DVL3: variants seen among roughly 807,000 people sequenced by gnomAD.
DVL3 encodes segment polarity protein dishevelled homolog DVL-3.
DVL3 carries 27 observed loss-of-function variants against 67.4 expected under a neutral mutation model. The ratio of observed to expected loss-of-function variants is 0.40; its 90% CI spans 0.30 to 0.55. DVL3 has a LOEUF of 0.55. Among genes scored for constraint, DVL3 ranks in the 20% least tolerant of loss-of-function variants. DVL3 has a pLI of 0.46. For synonymous variants in DVL3, 369 were observed against 396.8 expected, an observed-to-expected ratio of 0.93 and a Z score of 0.83; for missense variants, 819 against 1,021.5, an observed-to-expected ratio of 0.80 and a Z score of 2.70.
Position 184,168,007 on chromosome 3 carries a change from C to G in DVL3, c.1440C>G (p.Thr480=), listed in dbSNP as rs758311089. Residue 480 remains threonine (T), a synonymous_variant, in exon 13 of 15, where the codon ACC becomes ACG. Coordinates refer to ENST00000313143, the MANE Select transcript of DVL3 (RefSeq NM_004423.4). ...TGAAAGCTGGCTTCATCCGCCATAC[C>G]GTCAACAAGATCACCTTCTCCGAGC... The part of the protein sequence containing the change: ...NLLKAGFIRH[T]VNKITFSEQC... 6.2e-7 allele frequency: 1 copy of G among 1,614,252 alleles called. No homozygotes were observed. Among genetic ancestry groups the G allele is most frequent in the Non-Finnish European group, 8.5e-7 (1 of 1,180,048 alleles).
rs1714457522 is a variant in DVL3, at chr3:184,163,537, CA to C, written c.162-119del. ...TCCCCAACCTCTGCTTTCATTTGAA[CA>C]GTCTTGTGCTGGTGGTTTGATTCCC... On this transcript the variant is annotated intron_variant, in intron 1 of 14. Coordinates refer to ENST00000313143, the MANE Select transcript of DVL3 (RefSeq NM_004423.4). This position sits in a 1 kb window ranked among gnomAD's most constrained non-coding sequence, Gnocchi z 4.5. 5 of 906,764 alleles carry C rather than the reference CA, an allele frequency of 5.5e-6. No homozygotes were observed. Among genetic ancestry groups the C allele is most frequent in the Non-Finnish European group, 5.6e-6 (3 of 537,368 alleles). 56.2% of individuals were successfully genotyped at this position (906,764 alleles called of 1,614,324 possible).
In DVL3 at chr3:184,165,295, TC is replaced by T; in HGVS notation, c.693+94del. On this transcript the variant is annotated intron_variant, in intron 6 of 14. Coordinates refer to ENST00000313143, the MANE Select transcript of DVL3 (RefSeq NM_004423.4). This position sits in a 1 kb window ranked among gnomAD's most constrained non-coding sequence, Gnocchi z 4.1. Reference sequence around the variant, plus strand: ...AAGGCTTGTTCTTCCTTAGATCCCATCCCCCTAGTGCAGTGTTGAGAACCTT... The same window carrying T: ...AAGGCTTGTTCTTCCTTAGATCCCATCCCCTAGTGCAGTGTTGAGAACCTT... 1.3e-6 allele frequency: 2 copies of T among 1,527,070 alleles called. No homozygotes were observed. The highest frequency in any genetic ancestry group is 1.8e-6 in the Non-Finnish European group (2 of 1,120,224). 94.6% of individuals were successfully genotyped at this position (1,527,070 alleles called of 1,614,324 possible).
In DVL3 at chr3:184,167,599, G is replaced by C; in HGVS notation, c.1218G>C (p.Leu406Phe). ...CCCCAGGCCTAGACGACTTCCACTT[G>C]TCCATCCACAGTGACATGGCTGCCA... Reference protein sequence around the residue: ...PDTERLDDFHLSIHSDMAAIV... With the variant: ...PDTERLDDFHFSIHSDMAAIV... The change falls in exon 12 of 15, where the codon TTG (leucine) becomes TTC (phenylalanine). Residue 406 changes from leucine to phenylalanine, a missense_variant. Coordinates refer to ENST00000313143, the MANE Select transcript of DVL3 (RefSeq NM_004423.4). The surrounding 1 kb of genome is among the most constrained non-coding windows in gnomAD (Gnocchi z 4.6). The C allele has an allele frequency of 6.2e-7, 1 of 1,613,894 alleles. No individual in the cohort carries two copies. Among genetic ancestry groups the C allele is most frequent in the Non-Finnish European group, 8.5e-7 (1 of 1,180,026 alleles).
chr3:184,160,161 C>G (rs960619266), intron 1 of DVL3, among the ~76,000 whole-genome samples: 1 of 150,010 alleles, frequency 6.7e-6, no homozygotes, highest in African/African-American at 2.5e-5. Context: ...ACCGTATTAG[C>G]CAGGATGGTC....
intron 1 of DVL3, among the ~76,000 whole-genome samples, chr3:184,161,923 T>C (rs996257969): frequency 1.3e-5 from 2 of 152,148 alleles, no homozygotes; most frequent in African/African-American, 4.8e-5. Flanking sequence ...GTCTGCCCAC[T>C]GAGGCTGATG....
At position 184,164,963 on chromosome 3, in the gene DVL3, C is replaced by T. The variant is rs369586306; in HGVS notation, c.599+32C>T. 75 of 1,613,644 alleles carry T rather than the reference C, an allele frequency of 4.6e-5. No homozygotes were observed. Among genetic ancestry groups the T allele is most frequent in the Non-Finnish European group, 5.9e-5 (70 of 1,179,780 alleles). On this transcript the variant is annotated intron_variant, in intron 5 of 14. Transcript: ENST00000313143. The surrounding 1 kb of genome is among the most constrained non-coding windows in gnomAD (Gnocchi z 5.3). ...CTTGAGTTTCATGGGTATTGTGGGG[C>T]AGGTGACCCTGGAGGAGCCCTAAAC...
In DVL3 at chr3:184,172,889, A is replaced by T. The variant is rs1180474573; in HGVS notation, c.*2134A>T. On this transcript the variant is annotated 3_prime_UTR_variant, in exon 15 of 15. Transcript: ENST00000313143. Reference sequence around the variant, plus strand: ...CCACCACTACAGGGCTGTTTCATGTACTTCTCTCTCTGACTCTGTCTTGTC... The same window carrying T: ...CCACCACTACAGGGCTGTTTCATGTTCTTCTCTCTCTGACTCTGTCTTGTC... 1 of 152,116 alleles carries T rather than the reference A, an allele frequency of 6.6e-6. No homozygotes were observed. The highest frequency in any genetic ancestry group is 6.5e-5 in the Admixed American group (1 of 15,274). 9.4% of individuals were successfully genotyped at this position (152,116 alleles called of 1,614,324 possible).
At position 184,167,668 on chromosome 3, in the gene DVL3, T is replaced by C; in HGVS notation, c.1287T>C (p.Arg429=). The change falls in exon 12 of 15, where the codon CGT becomes CGC. Residue 429 remains arginine (R), a synonymous_variant. Transcript: ENST00000313143. This position sits in a 1 kb window ranked among gnomAD's most constrained non-coding sequence, Gnocchi z 4.6. ...MASPESGLEV[R]DRMWLKITIP... Reference sequence around the variant, plus strand: ...CCCCTGAATCAGGGTTGGAGGTCCGTGACCGCATGTGGCTCAAGATTACCA... The same window carrying C: ...CCCCTGAATCAGGGTTGGAGGTCCGCGACCGCATGTGGCTCAAGATTACCA... 6.2e-7 allele frequency: 1 copy of C among 1,613,856 alleles called. No individual in the cohort carries two copies. Among genetic ancestry groups the C allele is most frequent in the Non-Finnish European group, 8.5e-7 (1 of 1,179,914 alleles).
Position 184,170,237 on chromosome 3 carries a change from C to G in DVL3, c.1714+16C>G, listed in dbSNP as rs1381002843. 1 of 1,611,206 alleles carries G rather than the reference C, an allele frequency of 6.2e-7. No individual in the cohort carries two copies. Among genetic ancestry groups the G allele is most frequent in the African/African-American group, 1.3e-5 (1 of 74,906 alleles). The stretch of plus-strand genomic sequence containing the variant: ...CACAGCGAAGGTAAGGTAGAGGGGC[C>G]GTGGAGGAAGGCTATAGGTGGGCCC... On this transcript the variant is annotated intron_variant, in intron 14 of 14. Transcript: ENST00000313143. This position sits in a 1 kb window ranked among gnomAD's most constrained non-coding sequence, Gnocchi z 6.5.
chr3:184,168,060 G>A lies in DVL3; in HGVS notation c.1493G>A (p.Cys498Tyr). 1.2e-6 allele frequency: 2 copies of A among 1,613,748 alleles called. No individual in the cohort carries two copies. The highest frequency in any genetic ancestry group is 1.7e-6 in the Non-Finnish European group (2 of 1,179,666). Residue 498 changes from cysteine (C) to tyrosine (Y), a missense_variant, in exon 13 of 15, where the codon TGC becomes TAC. Transcript: ENST00000313143. The stretch of plus-strand genomic sequence containing the variant: ...TGCTACTACATCTTCGGTGACCTCT[G>A]CGGCAGTATGTGCCTCCCTCATCTT... ...EQCYYIFGDLCGNMANLSLHD... is the reference protein window; with the variant it reads ...EQCYYIFGDLYGNMANLSLHD...
Position 184,167,692 on chromosome 3 carries a change from C to T in DVL3, c.1311C>T (p.Thr437=). ...GTGACCGCATGTGGCTCAAGATTAC[C>T]ATCCCTAATGCTTTCATCGGTGAGA... is the stretch of plus-strand genomic sequence containing the variant. ...EVRDRMWLKI[T]IPNAFIGSDV... is the part of the protein sequence containing the mutation. The change falls in exon 12 of 15, where the codon ACC becomes ACT. Residue 437 remains threonine, a synonymous_variant. Transcript: ENST00000313143. This position sits in a 1 kb window ranked among gnomAD's most constrained non-coding sequence, Gnocchi z 4.6. 6.2e-7 allele frequency: 1 copy of T among 1,612,922 alleles called. No individual in the cohort carries two copies. Among genetic ancestry groups the T allele is most frequent in the South Asian group, 1.1e-5 (1 of 90,872 alleles).
rs540853037 is a variant in DVL3, at chr3:184,170,297, C to T, written c.1715-22C>T. The T allele has an allele frequency of 3.6e-5, 58 of 1,592,012 alleles. No homozygotes were observed. In the East Asian group the frequency reaches 1.0e-3, roughly 27 times the overall value. ...CCCGCCCGCTCAGCCTGCCCCACCCCGGCCCTGTTTGCCTCCTACAGGCAG... is the reference window on the plus strand; with the variant it reads ...CCCGCCCGCTCAGCCTGCCCCACCCTGGCCCTGTTTGCCTCCTACAGGCAG... On this transcript the variant is annotated intron_variant, in intron 14 of 14. Transcript: ENST00000313143. The surrounding 1 kb of genome is among the most constrained non-coding windows in gnomAD (Gnocchi z 6.5).
intron 13 of DVL3, among the ~76,000 whole-genome samples, chr3:184,169,682 C>T (rs35040037): frequency 6.6e-6 from 1 of 152,152 alleles, no homozygotes; most frequent in African/African-American, 2.4e-5. Context: ...AGCAAGACTC[C>T]GTCTCAAAGA....
At position 184,170,269 on chromosome 3, in the gene DVL3, T is replaced by TC. The variant is rs1714769370; in HGVS notation, c.1715-45dup. 3.8e-6 allele frequency: 6 copies of TC among 1,598,406 alleles called. No homozygotes were observed. The highest frequency in any genetic ancestry group is 1.1e-5 in the South Asian group (1 of 89,546). On this transcript the variant is annotated intron_variant, in intron 14 of 14. Transcript: ENST00000313143. This position sits in a 1 kb window ranked among gnomAD's most constrained non-coding sequence, Gnocchi z 6.5. ...GAAGGCTATAGGTGGGCCCCAGGCT[T>TC]CCCCCGCCCGCTCAGCCTGCCCCAC...
intron 13 of DVL3, among the ~76,000 whole-genome samples, chr3:184,169,309 G>C (rs187140803): frequency 1.2e-4 from 18 of 152,312 alleles, no homozygotes; most frequent in Non-Finnish European, 2.5e-4. Context: ...TGAACTTCAG[G>C]TGCGACATAC....
Position 184,167,761 on chromosome 3 carries a change from A to G in DVL3, c.1330+50A>G. 6.3e-7 allele frequency: 1 copy of G among 1,590,812 alleles called. No homozygotes were observed. Among genetic ancestry groups the G allele is most frequent in the Non-Finnish European group, 8.6e-7 (1 of 1,168,292 alleles). ...CAGGGTGGGTGGGGAGTGATGGGGC[A>G]GGGCAGGCCGGAGGGCCCAGGACTT... On this transcript the variant is annotated intron_variant, in intron 12 of 14. Transcript: ENST00000313143. This position sits in a 1 kb window ranked among gnomAD's most constrained non-coding sequence, Gnocchi z 4.6.
In DVL3 at chr3:184,155,741, G is replaced by A. The variant is rs770599124; in HGVS notation, c.106G>A (p.Val36Ile). 1 of 1,613,216 alleles carries A rather than the reference G, an allele frequency of 6.2e-7. No individual in the cohort carries two copies. Among genetic ancestry groups the A allele is most frequent in the Non-Finnish European group, 8.5e-7 (1 of 1,179,756 alleles). ...ERVTLADFKG[V>I]LQRPSYKFFF... The stretch of plus-strand genomic sequence containing the variant: ...CGTCACCTTGGCGGACTTTAAGGGC[G>A]TTTTGCAGCGACCCAGCTATAAGTT... Residue 36 changes from valine (V) to isoleucine (I), a missense_variant, in exon 1 of 15, where the codon GTT becomes ATT. Transcript: ENST00000313143. The surrounding 1 kb of genome is among the most constrained non-coding windows in gnomAD (Gnocchi z 5.4).
At chr3:184,162,416 C>A (rs559252473) in intron 1 of DVL3, among the ~76,000 whole-genome samples, 10 of 152,122 alleles carry the variant, frequency 6.6e-5, no homozygotes, top group Non-Finnish European at 1.0e-4. Context: ...AAACTCCTGG[C>A]CTCAAGCGAT....
chr3:184,156,238 C>G (rs1410172774), intron 1 of DVL3: 4 of 446,716 alleles, frequency 9.0e-6, no homozygotes, highest in Admixed American at 4.7e-5. Flanking sequence ...GCACAGCTCC[C>G]AGCCATATTT....
Sources: gnomAD v4.1 joint callset for allele counts (sites outside exome capture counted in the v4.1 genomes callset) on GRCh38, gnomAD v4.1.1 for gene constraint, Gnocchi (gnomAD v3.1) non-coding constraint, MANE v1.5 for transcripts, NCBI Gene and HGNC (gene_info 2026-07-23, HGNC 2026-07-21) for gene names.